DCHS1: variants seen among roughly 807,000 people sequenced by gnomAD.
The protein encoded by DCHS1 is dachsous cadherin-related 1.
Under a neutral mutation model 213.9 loss-of-function variants are expected in DCHS1, and 78 were observed. That is an observed-to-expected ratio of 0.36 (90% CI 0.30 to 0.44). The LOEUF (loss-of-function observed/expected upper bound fraction) is 0.44, where lower values mean the gene tolerates loss of function less well. Among genes scored for constraint, DCHS1 ranks in the 20% least tolerant of loss-of-function variants. The probability of loss-of-function intolerance (pLI) is 1.00; values close to 1 mark genes in which losing one functional copy is unlikely to be tolerated. For synonymous variants in DCHS1, 1,828 were observed against 1,873.7 expected (o/e 0.98, Z 0.63); for missense variants, 3,946 against 4,395.9 (o/e 0.90, Z 2.89).
chr11:6,654,375 T>C (rs1430569961), intron 1 of DCHS1, among the ~76,000 whole-genome samples: 2 of 152,230 alleles, frequency 1.3e-5, no homozygotes, highest in African/African-American at 4.8e-5. Context: ...ACAGTGCTTC[T>C]GATGGATGTG....
Position 6,626,391 on chromosome 11 carries a change from T to C in DCHS1, c.6365-11A>G, listed in dbSNP as rs11827437. On this transcript the variant is annotated splice_polypyrimidine_tract_variant and intron_variant, in intron 15 of 20. Coordinates refer to ENST00000299441, the MANE Select transcript of DCHS1 (RefSeq NM_003737.4). The surrounding 1 kb of genome is among the most constrained non-coding windows in gnomAD (Gnocchi z 5.2). The stretch of plus-strand genomic sequence containing the variant: ...GAACTGTGATGGCACCTGGGCGAGA[T>C]AGAATGCATCAGTGATAGCCCCCTT... 0.37 allele frequency: 589,630 copies of C among 1,610,880 alleles called. 108,840 individuals are homozygous for C. The highest frequency in any genetic ancestry group is 0.46 in the East Asian group (20,501 of 44,760).
At position 6,632,686 on chromosome 11, in the gene DCHS1, G is replaced by A. The variant is rs371695418; in HGVS notation, c.2826C>T (p.Thr942=). The part of the protein sequence containing the change: ...TLLAGGGGAF[T]VDPTTGHVRL... ...GTACATGGCCTGTGGTGGGGTCCAC[G>A]GTGAAGGCTCCACCACCCCCAGCAA... The change falls in exon 6 of 21, where the codon ACC becomes ACT. Residue 942 remains threonine, a synonymous_variant. Coordinates refer to ENST00000299441, the MANE Select transcript of DCHS1 (RefSeq NM_003737.4). This position sits in a 1 kb window ranked among gnomAD's most constrained non-coding sequence, Gnocchi z 5.9. The A allele has an allele frequency of 8.8e-6, 14 of 1,582,822 alleles. No homozygotes were observed. Among genetic ancestry groups the A allele is most frequent in the Middle Eastern group, 3.3e-4 (2 of 5,988 alleles).
At chr11:6,633,096 G>A in intron 5 of DCHS1, 40 bp from the exon 6 acceptor site, 1 of 1,559,116 alleles carries the variant, frequency 6.4e-7, no homozygotes, top group Non-Finnish European at 8.7e-7. Flanking sequence ...GAGATGGAGG[G>A]GCACTTATTG....
At chr11:6,638,566 A>G (rs1236465146) in intron 2 of DCHS1, among the ~76,000 whole-genome samples, 2 of 152,026 alleles carry the variant, frequency 1.3e-5, no homozygotes, top group Non-Finnish European at 2.9e-5. Context: ...CACACCTCAT[A>G]TTATCCATTT....
chr11:6,625,306 C>T lies in DCHS1; in HGVS notation c.7038G>A (p.Gln2346=). The T allele has an allele frequency of 6.2e-7, 1 of 1,613,888 alleles. No homozygotes were observed. The highest frequency in any genetic ancestry group is 1.1e-5 in the South Asian group (1 of 91,088). Residue 2346 remains glutamine, a synonymous_variant, in exon 19 of 21, where the codon CAG becomes CAA. Transcript: ENST00000299441. This position sits in a 1 kb window ranked among gnomAD's most constrained non-coding sequence, Gnocchi z 5.3. ...PLDFEQCDRY[Q]LQLLAHDGPH... Reference sequence around the variant, plus strand: ...GCCCATCATGTGCCAGCAGCTGCAGCTGGTAGCGGTCACACTGCTCAAAGT... The same window carrying T: ...GCCCATCATGTGCCAGCAGCTGCAGTTGGTAGCGGTCACACTGCTCAAAGT...
At position 6,632,014 on chromosome 11, in the gene DCHS1, T is replaced by C; in HGVS notation, c.3481+17A>G. ...GATAAGGCTATGCGGTCTCAGGATTTGGGTCTCTGTGCTCACCAGTCTGGG... is the reference window on the plus strand; with the variant it reads ...GATAAGGCTATGCGGTCTCAGGATTCGGGTCTCTGTGCTCACCAGTCTGGG... On this transcript the variant is annotated intron_variant, in intron 6 of 20. Transcript: ENST00000299441. This position sits in a 1 kb window ranked among gnomAD's most constrained non-coding sequence, Gnocchi z 5.9. 6.7e-7 allele frequency: 1 copy of C among 1,498,256 alleles called. No homozygotes were observed. Among genetic ancestry groups the C allele is most frequent in the South Asian group, 1.4e-5 (1 of 73,862 alleles). 92.8% of individuals were successfully genotyped at this position (1,498,256 alleles called of 1,614,324 possible).
chr11:6,623,764 G>C lies in DCHS1; in HGVS notation c.7912C>G (p.Arg2638Gly). The change falls in exon 21 of 21, where the codon CGT becomes GGT. Residue 2638 changes from arginine (R) to glycine (G), a missense_variant. Physicochemically the swap from Arg to Gly is moderately radical, Grantham distance 125 (BLOSUM62 -2). Around this residue, in one of 3 missense-constraint regions of DCHS1, gnomAD observed 3,384 missense variants for 3,780.1 expected, o/e 0.90. Coordinates refer to ENST00000299441, the MANE Select transcript of DCHS1 (RefSeq NM_003737.4). ...DADPGPHGLV[R>G]FTVSSGDPSG... ...GGGTCGCCTGAGCTGACAGTGAAAC[G>C]CACGAGGCCATGAGGGCCAGGGTCA... 6 of 1,613,960 alleles carry C rather than the reference G, an allele frequency of 3.7e-6. No individual in the cohort carries two copies. Among genetic ancestry groups the C allele is most frequent in the Non-Finnish European group, 5.1e-6 (6 of 1,179,904 alleles).
rs1855879951 is a variant in DCHS1, at chr11:6,630,307, C to T, written c.4487G>A (p.Ser1496Asn). The part of the protein sequence containing the change: ...LRLDARTGAL[S>N]APRGLDRETT... The stretch of plus-strand genomic sequence containing the variant: ...CTCTCGGTCCAGGCCGCGCGGAGCG[C>T]TGAGCGCCCCGGTGCGCGCGTCCAG... Residue 1496 changes from serine to asparagine, a missense_variant, in exon 10 of 21, where the codon AGC becomes AAC. By Grantham distance (46) the Ser-to-Asn change is conservative. This residue lies in a region of DCHS1 where 3,384 missense variants were observed against 3,780.1 expected (regional missense o/e 0.90). Transcript: ENST00000299441. 7.1e-7 allele frequency: 1 copy of T among 1,411,938 alleles called. No individual in the cohort carries two copies. Among genetic ancestry groups the T allele is most frequent in the Admixed American group, 3.2e-5 (1 of 31,258 alleles). 87.5% of individuals were successfully genotyped at this position (1,411,938 alleles called of 1,614,324 possible). A position where few individuals can be genotyped will look rare whatever the true frequency, so the allele number is the denominator to read the frequency against.
rs767566542 is a variant in DCHS1, at chr11:6,629,885, C to G, written c.4822G>C (p.Asp1608His). Residue 1608 changes from aspartate (D) to histidine (H), a missense_variant, in exon 11 of 21, where the codon GAC becomes CAC. Transcript: ENST00000299441. ...ACGTGCTCAGCTCGTTGTTCGCGGT[C>G]CAACGGCCGCACCACGGACAGCGCT... ...TGALSVVRPL[D>H]REQRAEHVLT... The G allele has an allele frequency of 1.9e-6, 3 of 1,612,564 alleles. No individual in the cohort carries two copies. Among genetic ancestry groups the G allele is most frequent in the Non-Finnish European group, 2.5e-6 (3 of 1,179,484 alleles).
Position 6,625,959 on chromosome 11 carries a change from G to T in DCHS1, c.6692C>A (p.Thr2231Asn). The change falls in exon 17 of 21, where the codon ACC (threonine) becomes AAC (asparagine). Residue 2231 changes from threonine (T) to asparagine (N), a missense_variant. Thr to Asn is a moderately conservative substitution (Grantham distance 65). This residue lies in a region of DCHS1 where 3,384 missense variants were observed against 3,780.1 expected (regional missense o/e 0.90). Coordinates refer to ENST00000299441, the MANE Select transcript of DCHS1 (RefSeq NM_003737.4). The surrounding 1 kb of genome is among the most constrained non-coding windows in gnomAD (Gnocchi z 5.3). Reference protein sequence around the residue: ...HVDPTTGTITTTAILDREIWA... With the variant: ...HVDPTTGTITNTAILDREIWA... The stretch of plus-strand genomic sequence containing the variant: ...GATCTCACGGTCCAGGATGGCTGTG[G>T]TAGTGATAGTGCCTGTGGTTGGGTC... The T allele has an allele frequency of 6.2e-7, 1 of 1,613,678 alleles. No homozygotes were observed. The highest frequency in any genetic ancestry group is 8.5e-7 in the Non-Finnish European group (1 of 1,179,776).
At chr11:6,642,109 T>C (rs1856086407) in intron 1 of DCHS1, among the ~76,000 whole-genome samples, 1 of 152,200 alleles carries the variant, frequency 6.6e-6, no homozygotes, top group South Asian at 2.1e-4. Flanking sequence ...TGGTAACTTT[T>C]CCTGAACCGT....
At chr11:6,650,417 G>A (rs1306753960) in intron 1 of DCHS1, among the ~76,000 whole-genome samples, 1 of 152,182 alleles carries the variant, frequency 6.6e-6, no homozygotes, top group African/African-American at 2.4e-5. Context: ...TGAAGGAAGG[G>A]GGGTCAGCAG....
Position 6,655,729 on chromosome 11 carries a change from C to T in DCHS1, c.-287G>A, listed in dbSNP as rs1353089558. 1.0e-6 allele frequency: 1 copy of T among 980,440 alleles called. No individual in the cohort carries two copies. The highest frequency in any genetic ancestry group is 1.2e-6 in the Non-Finnish European group (1 of 827,898). The allele number at this position is 980,440 out of a possible 1,614,324, so 60.7% of individuals were successfully genotyped here. A position where few individuals can be genotyped will look rare whatever the true frequency, so the allele number is the denominator to read the frequency against. The stretch of plus-strand genomic sequence containing the variant: ...GGCAGCCGCCGTCGGTCCGCGCGCC[C>T]TTGGCCGTCGATCGGTCCGTCCGCT... On this transcript the variant is annotated 5_prime_UTR_variant, in exon 1 of 21. Coordinates refer to ENST00000299441, the MANE Select transcript of DCHS1 (RefSeq NM_003737.4).
chr11:6,640,312 C>T lies in DCHS1; in HGVS notation c.1302G>A (p.Glu434=), dbSNP rs1468781026. ...TAACCCTCAAGTTATAGGCATCCCT[C>T]TCCTCTCGATCCAGCCGCCGAGCCA... ...VCVARRLDRE[E]RDAYNLRVTA... is the part of the protein sequence containing the mutation. The change falls in exon 2 of 21, where the codon GAG becomes GAA. Residue 434 remains glutamate (E), a synonymous_variant. Transcript: ENST00000299441. The surrounding 1 kb of genome is among the most constrained non-coding windows in gnomAD (Gnocchi z 6.5). The T allele has an allele frequency of 6.2e-7, 1 of 1,607,836 alleles. No individual in the cohort carries two copies. Among genetic ancestry groups the T allele is most frequent in the African/African-American group, 1.3e-5 (1 of 74,774 alleles).
intron 2 of DCHS1, among the ~76,000 whole-genome samples, chr11:6,636,090 G>C (rs189183100): frequency 1.0e-3 from 158 of 152,314 alleles, no homozygotes; most frequent in Non-Finnish European, 1.2e-3. Flanking sequence ...AAGGAGAAAA[G>C]AAAGACACTT....
Position 6,640,440 on chromosome 11 carries a change from C to G in DCHS1, c.1174G>C (p.Asp392His). 1 of 1,613,940 alleles carries G rather than the reference C, an allele frequency of 6.2e-7. No homozygotes were observed. ...TGGGCAAAGTCACCATCATCTGGGT[C>G]TGACACAGAGATGCGAGCAACGAGC... ...GQLVARISVS[D>H]PDDGDFAHVN... Residue 392 changes from aspartate (D) to histidine (H), a missense_variant, in exon 2 of 21, where the codon GAC becomes CAC. Asp to His is a moderately conservative substitution (Grantham distance 81, BLOSUM62 -1). This residue lies in a region of DCHS1 where 3,384 missense variants were observed against 3,780.1 expected (regional missense o/e 0.90). Coordinates refer to ENST00000299441, the MANE Select transcript of DCHS1 (RefSeq NM_003737.4). This position sits in a 1 kb window ranked among gnomAD's most constrained non-coding sequence, Gnocchi z 6.5.
chr11:6,641,176 A>G lies in DCHS1; in HGVS notation c.438T>C (p.Ala146=). The G allele has an allele frequency of 6.2e-7, 1 of 1,613,560 alleles. No homozygotes were observed. Among genetic ancestry groups the G allele is most frequent in the Non-Finnish European group, 8.5e-7 (1 of 1,179,848 alleles). The change falls in exon 2 of 21, where the codon GCT becomes GCC. Residue 146 remains alanine (A), a synonymous_variant. Transcript: ENST00000299441. This position sits in a 1 kb window ranked among gnomAD's most constrained non-coding sequence, Gnocchi z 7.1. ...GCTCAGGTACCTGCAGGGCAGCCCG[A>G]GCCTGTGGGAAGGCTGGAGCATGGT... ...INDHAPAFPQ[A]RAALQVPEHT... is the part of the protein sequence containing the mutation.
chr11:6,623,315 A>C lies in DCHS1; in HGVS notation c.8361T>G (p.Ala2787=). 6.3e-7 allele frequency: 1 copy of C among 1,591,248 alleles called. No homozygotes were observed. ...HTESFRLLVG[A]ADAGNLSASV... is the part of the protein sequence containing the mutation. ...AGGCTGAGAGATTCCCAGCATCAGC[A>C]GCACCCACCAGCAGCCGGAAGCTTT... Residue 2787 remains alanine (A), a synonymous_variant, in exon 21 of 21, where the codon GCT becomes GCG. Coordinates refer to ENST00000299441, the MANE Select transcript of DCHS1 (RefSeq NM_003737.4).
At chr11:6,633,759 G>A in intron 4 of DCHS1, 30 bp downstream of exon 4, 1 of 1,605,756 alleles carries the variant, frequency 6.2e-7, no homozygotes, top group East Asian at 2.2e-5. Context: ...GGGACCTGGG[G>A]GAAGGCCCCG....
Sources: gnomAD v4.1 joint callset for allele counts (sites outside exome capture counted in the v4.1 genomes callset) on GRCh38, gnomAD v4.1.1 for gene constraint, gnomAD v4.1.1 regional missense constraint, Gnocchi (gnomAD v3.1) non-coding constraint, MANE v1.5 for transcripts, NCBI Gene and HGNC (gene_info 2026-07-23, HGNC 2026-07-21) for gene names.